Variants in MAGI2 observed in about 807,000 individuals in gnomAD.
MAGI2 encodes the protein membrane associated guanylate kinase, WW and PDZ domain containing 2, also known as membrane-associated guanylate kinase, WW and PDZ domain-containing protein 2.
Under a neutral mutation model 133.3 loss-of-function variants are expected in MAGI2, and 35 were observed. That is an observed-to-expected ratio of 0.26 (90% CI 0.20 to 0.35). The LOEUF (loss-of-function observed/expected upper bound fraction) is 0.35, where lower values mean the gene tolerates loss of function less well. MAGI2 is among the 10% of genes least tolerant of loss of function. MAGI2 has a pLI of 1.00. For synonymous variants in MAGI2, 729 were observed against 710.6 expected (o/e 1.03, Z -0.41); for missense variants, 1,636 against 1,863.4 (o/e 0.88, Z 2.25).
chr7:78,597,188 C>T (rs749780253), intron 3 of MAGI2, among the ~76,000 whole-genome samples: 5 of 152,126 alleles, frequency 3.3e-5, no homozygotes, highest in African/African-American at 4.8e-5. Context: ...GAATATCTGC[C>T]TTTAACTAGT....
intron 20 of MAGI2, among the ~76,000 whole-genome samples, chr7:78,116,213 A>T (rs955893390): frequency 6.6e-6 from 1 of 152,210 alleles, no homozygotes; most frequent in Non-Finnish European, 1.5e-5. Flanking sequence ...TAAATAATTC[A>T]TGAGTCAAAG....
At chr7:78,301,133 T>C (rs1381683353) in intron 9 of MAGI2, among the ~76,000 whole-genome samples, 1 of 152,192 alleles carries the variant, frequency 6.6e-6, no homozygotes, top group Non-Finnish European at 1.5e-5. Context: ...AATGACCATG[T>C]CATGCTTCCA....
At chr7:78,035,691 G>C (rs1350766186) in intron 21 of MAGI2, among the ~76,000 whole-genome samples, 3 of 151,310 alleles carry the variant, frequency 2.0e-5, no homozygotes, top group African/African-American at 7.3e-5. Context: ...AGCCCAGCCT[G>C]TATTCTGCTT....
chr7:79,031,854 T>C (rs1754219931), intron 1 of MAGI2, among the ~76,000 whole-genome samples: 1 of 152,174 alleles, frequency 6.6e-6, no homozygotes, highest in African/African-American at 2.4e-5. Context: ...TAATAATTGA[T>C]TTAGATTTAT....
chr7:79,015,998 C>T (rs868132204), intron 1 of MAGI2, among the ~76,000 whole-genome samples: 2 of 25,738 alleles, frequency 7.8e-5, no homozygotes, highest in East Asian at 1.2e-3. Context: ...CCTGGAGAAG[C>T]GGGGGGGGGG....
intron 1 of MAGI2, among the ~76,000 whole-genome samples, chr7:79,282,556 A>G (rs115255731): frequency 0.015 from 2,307 of 152,222 alleles, 55 homozygotes; most frequent in African/African-American, 0.052. Flanking sequence ...TGTATCTACT[A>G]CATCTTTTAA....
chr7:78,944,947 C>T (rs1227727584), intron 2 of MAGI2, among the ~76,000 whole-genome samples: 3 of 151,992 alleles, frequency 2.0e-5, no homozygotes, highest in East Asian at 1.9e-4. Context: ...TCATGTTGCC[C>T]GAGCTGGTCT....
intron 16 of MAGI2, among the ~76,000 whole-genome samples, chr7:78,152,152 A>G (rs1354926368): frequency 6.6e-6 from 1 of 152,206 alleles, no homozygotes. Context: ...TGTTTGGGCA[A>G]TAGTCTCCAC....
intron 1 of MAGI2, among the ~76,000 whole-genome samples, chr7:79,228,756 C>A (rs1197863994): frequency 6.6e-6 from 1 of 151,988 alleles, no homozygotes; most frequent in East Asian, 1.9e-4. Context: ...AGTTGGTCAC[C>A]CAGTTGAGCC....
chr7:79,439,218 T>C (rs1361256115), intron 1 of MAGI2, among the ~76,000 whole-genome samples: 2 of 152,142 alleles, frequency 1.3e-5, no homozygotes, highest in African/African-American at 4.8e-5. Flanking sequence ...TCTCTTATTC[T>C]ATGCAGCACT....
At chr7:78,076,835 A>G (rs1233924912) in intron 21 of MAGI2, among the ~76,000 whole-genome samples, 1 of 132,810 alleles carries the variant, frequency 7.5e-6, no homozygotes, top group Non-Finnish European at 1.6e-5. Flanking sequence ...CCTGGGCGAC[A>G]GAGCGAGACT....
intron 3 of MAGI2, among the ~76,000 whole-genome samples, chr7:78,559,903 T>C (rs1258076912): frequency 6.6e-6 from 1 of 151,950 alleles, no homozygotes; most frequent in African/African-American, 2.4e-5. Flanking sequence ...ACTTCAATAT[T>C]GGAAAACAGT....
intron 2 of MAGI2, among the ~76,000 whole-genome samples, chr7:78,662,250 A>C (rs1217674509): frequency 6.6e-6 from 1 of 152,204 alleles, no homozygotes; most frequent in East Asian, 1.9e-4. Context: ...GCAAGATATT[A>C]GCTTTGTTTT....
chr7:79,137,879 C>G (rs1821741110), intron 1 of MAGI2, among the ~76,000 whole-genome samples: 1 of 152,098 alleles, frequency 6.6e-6, no homozygotes, highest in Non-Finnish European at 1.5e-5. Flanking sequence ...GCACACAGGA[C>G]ATTGCAGTTA....
At chr7:78,050,417 G>A (rs561274045) in intron 21 of MAGI2, among the ~76,000 whole-genome samples, 2 of 152,252 alleles carry the variant, frequency 1.3e-5, no homozygotes, top group Admixed American at 1.3e-4. Flanking sequence ...AGAGAAGATG[G>A]CTATTTAAAG....
intron 6 of MAGI2, among the ~76,000 whole-genome samples, chr7:78,457,161 G>C (rs148865895): frequency 1.3e-5 from 2 of 152,178 alleles, no homozygotes; most frequent in Non-Finnish European, 2.9e-5. Context: ...GCCCTGCCCC[G>C]CTTTAGGTGT....
At chr7:79,419,677 G>A (rs992501123) in intron 1 of MAGI2, among the ~76,000 whole-genome samples, 1 of 151,928 alleles carries the variant, frequency 6.6e-6, no homozygotes, top group African/African-American at 2.4e-5. Flanking sequence ...TACAAACTAT[G>A]TATTAAAAGC....
chr7:78,324,376 G>A (rs999163938), intron 9 of MAGI2, among the ~76,000 whole-genome samples: 5 of 152,114 alleles, frequency 3.3e-5, no homozygotes, highest in African/African-American at 4.8e-5. Flanking sequence ...CAGTTTAGTC[G>A]TGTTGACTGT....
At chr7:78,706,807 T>A (rs1280853746) in intron 2 of MAGI2, among the ~76,000 whole-genome samples, 2 of 152,002 alleles carry the variant, frequency 1.3e-5, no homozygotes, top group African/African-American at 4.8e-5. Flanking sequence ...TTGGTTTTTG[T>A]TTTTCTCCTT....
Sources: gnomAD v4.1 joint callset for allele counts (sites outside exome capture counted in the v4.1 genomes callset) on GRCh38, gnomAD v4.1.1 for gene constraint, MANE v1.5 for transcripts, NCBI Gene and HGNC (gene_info 2026-07-23, HGNC 2026-07-21) for gene names.